The following ADAD1 variants were observed in gnomAD, a reference collection of about 807,000 sequenced individuals.
ADAD1 encodes the protein adenosine deaminase domain containing 1, also known as adenosine deaminase domain-containing protein 1.
In ADAD1, 46 loss-of-function variants were observed where a neutral mutation model predicts 66.8. The ratio of observed to expected loss-of-function variants is 0.69; its 90% CI spans 0.54 to 0.88. The LOEUF is 0.88. Ranked by LOEUF, ADAD1 falls within the 40% of genes least tolerant of loss-of-function variation. The pLI, the probability that ADAD1 is intolerant of heterozygous loss-of-function variation, is 0.00. For synonymous variants in ADAD1, 248 were observed against 229.4 expected, an observed-to-expected ratio of 1.08 and a Z score of -0.73; for missense variants, 617 against 681.8, an observed-to-expected ratio of 0.91 and a Z score of 1.06.
intron 12 of ADAD1, among the ~76,000 whole-genome samples, chr4:122,425,574 A>G (rs1157393798): frequency 6.6e-6 from 1 of 151,860 alleles, no homozygotes; most frequent in Non-Finnish European, 1.5e-5. Context: ...CCAACTATGG[A>G]TCGAAAATAT....
chr4:122,428,605 G>A (rs1170078788), intron 12 of ADAD1, among the ~76,000 whole-genome samples: 1 of 152,150 alleles, frequency 6.6e-6, no homozygotes, highest in Non-Finnish European at 1.5e-5. Flanking sequence ...ACAAGCTACT[G>A]ATACATGAAA....
chr4:122,392,516 A>G (rs573973147), intron 5 of ADAD1, among the ~76,000 whole-genome samples: 2 of 152,352 alleles, frequency 1.3e-5, no homozygotes, highest in South Asian at 4.1e-4. Context: ...AAGCATGTGT[A>G]GCCATAAATA....
chr4:122,425,567 A>G (rs1049083968), intron 12 of ADAD1, among the ~76,000 whole-genome samples: 3 of 151,876 alleles, frequency 2.0e-5, no homozygotes, highest in African/African-American at 4.8e-5. Context: ...GATTCAACCA[A>G]CTATGGATCG....
Position 122,421,354 on chromosome 4 carries a change from A to G in ADAD1, c.1581A>G (p.Lys527=), listed in dbSNP as rs1191570331. The part of the protein sequence containing the change: ...RFNLLAKEAK[K]ELLEAGTYHA... Reference sequence around the variant, plus strand: ...ACCTGCTTGCCAAAGAAGCTAAAAAAGAATTACTTGAAGCTGGTACATATC... The same window carrying G: ...ACCTGCTTGCCAAAGAAGCTAAAAAGGAATTACTTGAAGCTGGTACATATC... The change falls in exon 12 of 13, where the codon AAA becomes AAG. Residue 527 remains lysine, a synonymous_variant. Coordinates refer to ENST00000296513, the MANE Select transcript of ADAD1 (RefSeq NM_139243.4). 6.2e-7 allele frequency: 1 copy of G among 1,602,976 alleles called. No individual in the cohort carries two copies. Among genetic ancestry groups the G allele is most frequent in the Non-Finnish European group, 8.5e-7 (1 of 1,172,448 alleles).
At chr4:122,418,700 T>C (rs897644716) in intron 11 of ADAD1, among the ~76,000 whole-genome samples, 5 of 152,200 alleles carry the variant, frequency 3.3e-5, no homozygotes, top group African/African-American at 1.2e-4. Context: ...GAGGGTTTTT[T>C]TCTAAACCTT....
At chr4:122,414,247 TCTTCCTTTTTCCAAATGTC>T (rs1796611183) in intron 10 of ADAD1, among the ~76,000 whole-genome samples, 1 of 137,436 alleles carries the variant, frequency 7.3e-6, no homozygotes, top group Non-Finnish European at 1.6e-5. Flanking sequence ...GTTTTTTTTT[TCTTCCTTTTTCCAAATGTC>T]TTTTTTTTTG....
At chr4:122,380,277 C>A (rs368965143) in intron 3 of ADAD1, 36 bp downstream of exon 3, 31 of 1,576,552 alleles carry the variant, frequency 2.0e-5, no homozygotes, top group Non-Finnish European at 2.7e-5. Context: ...TGAGTCAGTT[C>A]TTTAAGATTC....
chr4:122,428,739 T>C (rs1039148879), intron 12 of ADAD1, among the ~76,000 whole-genome samples: 1 of 152,128 alleles, frequency 6.6e-6, no homozygotes, highest in Non-Finnish European at 1.5e-5. Context: ...TTGTCTGGGT[T>C]TAGGGCTGGT....
In ADAD1 at chr4:122,429,632, T is replaced by C. The variant is rs1370957737; in HGVS notation, c.1624T>C (p.Ser542Pro). 6.2e-7 allele frequency: 1 copy of C among 1,606,548 alleles called. No individual in the cohort carries two copies. The highest frequency in any genetic ancestry group is 1.7e-5 in the Admixed American group (1 of 59,984). ...TTTTTTCTTTCTTCTCTAGTGTATG[T>C]CTGCCTCCTATCAAGAAGCTAAATG... ...AGTYHAAKCM[S>P]ASYQEAKCKL... Residue 542 changes from serine to proline, a missense_variant, in exon 13 of 13, where the codon TCT becomes CCT. Transcript: ENST00000296513.
At chr4:122,393,011 G>T (rs2170083) in intron 5 of ADAD1, among the ~76,000 whole-genome samples, 7,379 of 148,994 alleles carry the variant, frequency 0.05, 253 homozygotes, top group Non-Finnish European at 0.074. Context: ...CTTAGCTTCT[G>T]CAGCCTCTTC....
intron 2 of ADAD1, 46 bp from the exon 3 acceptor site, chr4:122,380,014 TAC>T: frequency 6.5e-7 from 1 of 1,539,082 alleles, no homozygotes; most frequent in Non-Finnish European, 8.7e-7. Flanking sequence ...ATTTTCAGTT[TAC>T]ATAGCGTTTT....
rs1051471546 is a variant in ADAD1 at position 122,423,512 on chromosome 4, T to A, written c.1617+2122T>A. On this transcript the variant is annotated intron_variant, in intron 12 of 12. Transcript: ENST00000296513. ...CAGTACATTCTCTTTCACATACAAG[T>A]TGATCAGAAGATGGTAGAAGTTTTA... Among the ~76,000 whole-genome samples, 5 of 152,184 alleles carry A rather than the reference T, an allele frequency of 3.3e-5. 1 individual carries two copies. Among genetic ancestry groups the A allele is most frequent in the Non-Finnish European group, 7.3e-5 (5 of 68,040 alleles).
intron 4 of ADAD1, among the ~76,000 whole-genome samples, chr4:122,383,529 T>C (rs1174590883): frequency 6.6e-6 from 1 of 152,234 alleles, no homozygotes; most frequent in Non-Finnish European, 1.5e-5. Flanking sequence ...CACTCACTGT[T>C]ACTCCACGTG....
At chr4:122,419,012 G>A (rs1796885502) in intron 11 of ADAD1, among the ~76,000 whole-genome samples, 1 of 152,134 alleles carries the variant, frequency 6.6e-6, no homozygotes, top group South Asian at 2.1e-4. Context: ...ATTTGACCCA[G>A]CAATCCCATT....
chr4:122,401,742 A>G (rs1486520419), intron 7 of ADAD1, among the ~76,000 whole-genome samples: 2 of 152,130 alleles, frequency 1.3e-5, no homozygotes, highest in African/African-American at 2.4e-5. Flanking sequence ...TTATCATTAT[A>G]TGATGTCCCT....
chr4:122,426,172 A>G (rs1797227501), intron 12 of ADAD1, among the ~76,000 whole-genome samples: 1 of 152,150 alleles, frequency 6.6e-6, no homozygotes, highest in African/African-American at 2.4e-5. Context: ...AAAGGTGGTT[A>G]TCACTACAGA....
intron 5 of ADAD1, among the ~76,000 whole-genome samples, chr4:122,384,538 T>C (rs1457277506): frequency 6.6e-6 from 1 of 152,182 alleles, no homozygotes; most frequent in South Asian, 2.1e-4. Context: ...AGATAAACAA[T>C]GCATGCAAAG....
At position 122,383,897 on chromosome 4, in the gene ADAD1, G is replaced by A; in HGVS notation, c.460G>A (p.Ala154Thr). 6.2e-7 allele frequency: 1 copy of A among 1,613,942 alleles called. No individual in the cohort carries two copies. Among genetic ancestry groups the A allele is most frequent in the Non-Finnish European group, 8.5e-7 (1 of 1,179,940 alleles). ...GQNKKESRSN[A>T]AKLALDELLQ... The stretch of plus-strand genomic sequence containing the variant: ...AAATAAAAAGGAGTCTAGATCCAAT[G>A]CAGCAAAATTAGCTCTTGATGAGCT... Residue 154 changes from alanine (A) to threonine (T), a missense_variant, in exon 5 of 13, where the codon GCA becomes ACA. Physicochemically the swap from Ala to Thr is moderately conservative, Grantham distance 58 (BLOSUM62 0). Transcript: ENST00000296513.
chr4:122,379,961 G>A (rs898986780), intron 2 of ADAD1, 101 bp from the exon 3 acceptor site: 2 of 1,183,576 alleles, frequency 1.7e-6, no homozygotes, highest in African/African-American at 3.1e-5. Context: ...TATGTGCCAA[G>A]GCCATTTATG....
Sources: gnomAD v4.1 joint callset for allele counts (sites outside exome capture counted in the v4.1 genomes callset) on GRCh38, gnomAD v4.1.1 for gene constraint, MANE v1.5 for transcripts, NCBI Gene and HGNC (gene_info 2026-07-23, HGNC 2026-07-21) for gene names.